The following WDR25 variants were observed in gnomAD, a reference collection of about 807,000 sequenced individuals.
WDR25 encodes the protein WD repeat domain 25, also known as WD repeat-containing protein 25.
A neutral mutation model predicts 47.7 loss-of-function variants in WDR25; 35 were observed. That is an observed-to-expected ratio of 0.73 (90% confidence interval 0.56 to 0.97). The LOEUF is 0.97. WDR25 is among the 50% of genes least tolerant of loss of function. The pLI, the probability that WDR25 is intolerant of heterozygous loss-of-function variation, is 0.00. For missense variants in WDR25, 634 were observed against 704.7 expected (o/e 0.90, Z 1.14); for synonymous variants, 248 against 278.9 (o/e 0.89, Z 1.10).
intron 3 of WDR25, 119 bp from the exon 4 acceptor site, chr14:100,483,875 A>G (rs1049303648): frequency 2.0e-5 from 25 of 1,277,974 alleles, no homozygotes; most frequent in African/African-American, 6.1e-5. Context: ...ATTGGGCTAC[A>G]TCGGGCCCAG....
intron 2 of WDR25, among the ~76,000 whole-genome samples, chr14:100,417,619 C>A (rs1276976306): frequency 6.6e-6 from 1 of 152,176 alleles, no homozygotes; most frequent in South Asian, 2.1e-4. Context: ...CCTCTGCTTG[C>A]GGATGGGGGT....
intron 1 of WDR25, among the ~76,000 whole-genome samples, chr14:100,379,854 G>A (rs891893356): frequency 6.6e-6 from 1 of 151,544 alleles, no homozygotes; most frequent in African/African-American, 2.4e-5. Flanking sequence ...TGATTCTCCT[G>A]CTTCAGCCTC....
chr14:100,522,664 C>T (rs929170946), intron 4 of WDR25, among the ~76,000 whole-genome samples: 70 of 152,216 alleles, frequency 4.6e-4, no homozygotes, highest in African/African-American at 1.6e-3. Flanking sequence ...ACCCTTAGTT[C>T]CTCAGCTGGA....
At chr14:100,459,276 T>C (rs998741449) in intron 2 of WDR25, among the ~76,000 whole-genome samples, 2 of 152,214 alleles carry the variant, frequency 1.3e-5, no homozygotes, top group African/African-American at 2.4e-5. Flanking sequence ...ACAACTTAGA[T>C]GATATGGAAG....
intron 2 of WDR25, among the ~76,000 whole-genome samples, chr14:100,414,231 C>T (rs969580984): frequency 4.6e-5 from 7 of 151,534 alleles, no homozygotes; most frequent in African/African-American, 9.7e-5. Context: ...CTCCTGACCT[C>T]GTGATCCGCC....
intron 4 of WDR25, among the ~76,000 whole-genome samples, chr14:100,495,357 AAAAC>A (rs578036672): frequency 1.1e-4 from 17 of 152,326 alleles, no homozygotes; most frequent in African/African-American, 3.4e-4. Flanking sequence ...CTCCGTCTCA[AAAAC>A]AAACAAACAA....
At chr14:100,421,715 C>G (rs925873727) in intron 2 of WDR25, among the ~76,000 whole-genome samples, 1 of 152,108 alleles carries the variant, frequency 6.6e-6, no homozygotes, top group African/African-American at 2.4e-5. Context: ...CGTTGGTGGG[C>G]ATGCTTTTAA....
At chr14:100,527,424 C>T (rs534480056) in intron 5 of WDR25, among the ~76,000 whole-genome samples, 6 of 152,362 alleles carry the variant, frequency 3.9e-5, no homozygotes, top group African/African-American at 1.4e-4. Context: ...GAATTTAAAA[C>T]TGTATGTCAT....
At chr14:100,435,944 G>T (rs1250675200) in intron 2 of WDR25, among the ~76,000 whole-genome samples, 1 of 152,122 alleles carries the variant, frequency 6.6e-6, no homozygotes, top group Non-Finnish European at 1.5e-5. Context: ...AGGAGGGAGT[G>T]TAGCTGCTGG....
chr14:100,410,029 G>A (rs1448056398), intron 2 of WDR25, among the ~76,000 whole-genome samples: 1 of 152,110 alleles, frequency 6.6e-6, no homozygotes, highest in Non-Finnish European at 1.5e-5. Flanking sequence ...ATTGTTTTCA[G>A]TAGCCACAAA....
chr14:100,498,309 C>A lies in WDR25; in HGVS notation c.1101+14185C>A, dbSNP rs144092653. Among the ~76,000 whole-genome samples the A allele has an allele frequency of 8.0e-4, 122 of 152,282 alleles. 2 individuals are homozygous for A. Among genetic ancestry groups the A allele is most frequent in the African/African-American group, 2.7e-3 (112 of 41,542 alleles). On this transcript the variant is annotated intron_variant, in intron 4 of 6. Coordinates refer to ENST00000402312, the MANE Select transcript of WDR25 (RefSeq NM_001161476.3). This position sits in a 1 kb window ranked among gnomAD's most constrained non-coding sequence, Gnocchi z 4.2. ...CTGAGAGGAGACTGAGGGCCACGTT[C>A]CGTAACAAGCGGGCCATTGCCACGC...
At chr14:100,481,173 A>G (rs1452597450) in intron 3 of WDR25, 2 of 470,912 alleles carry the variant, frequency 4.2e-6, no homozygotes, top group African/African-American at 4.1e-5. Context: ...AAAGTGGTTA[A>G]CCAAGAAACT....
chr14:100,468,003 G>C lies in WDR25; in HGVS notation c.823-18G>C. The stretch of plus-strand genomic sequence containing the variant: ...GGCCCTTGTTGTGACACCTGGTGCT[G>C]TCTGTGTTTGCCTGCAGGTATGGAA... On this transcript the variant is annotated intron_variant, in intron 2 of 6. Coordinates refer to ENST00000402312, the MANE Select transcript of WDR25 (RefSeq NM_001161476.3). The surrounding 1 kb of genome is among the most constrained non-coding windows in gnomAD (Gnocchi z 4.5). 6.2e-7 allele frequency: 1 copy of C among 1,611,962 alleles called. No homozygotes were observed. The highest frequency in any genetic ancestry group is 8.5e-7 in the Non-Finnish European group (1 of 1,179,992).
Position 100,381,369 on chromosome 14 carries a change from CA to C in WDR25, c.446del (p.His149LeufsTer9). The C allele has an allele frequency of 6.2e-7, 1 of 1,614,240 alleles. No homozygotes were observed. Among genetic ancestry groups the C allele is most frequent in the Non-Finnish European group, 8.5e-7 (1 of 1,180,032 alleles). ...CAGGAACTTTCCCAAGTCATCTTTC[CA>C]TGCTCAAAGTGAGTCTGAAACCGTA... is the stretch of plus-strand genomic sequence containing the variant. ...LSRNFPKSSF[H>X]AQSESETVGK... On this transcript the variant is annotated frameshift_variant, in exon 2 of 7. Transcript: ENST00000402312. LOFTEE classifies it high-confidence loss of function.
chr14:100,391,314 C>T (rs1566886428), intron 2 of WDR25, among the ~76,000 whole-genome samples: 1 of 152,050 alleles, frequency 6.6e-6, no homozygotes, highest in Non-Finnish European at 1.5e-5. Context: ...CGAGGCAGGC[C>T]CTGCGCCACC....
At position 100,505,748 on chromosome 14, in the gene WDR25, G is replaced by A. The variant is rs546138784; in HGVS notation, c.1102-20122G>A. Among the ~76,000 whole-genome samples the A allele has an allele frequency of 1.5e-4, 23 of 152,200 alleles. No individual in the cohort carries two copies. The South Asian group carries it at 1.7e-3, about 11-fold the overall frequency. The stretch of plus-strand genomic sequence containing the variant: ...AGCTCTTCTTTAGTTTCTGTCAGCT[G>A]TGTTTTGTAGTTTTCAGTGTTTGAT... On this transcript the variant is annotated intron_variant, in intron 4 of 6. Transcript: ENST00000402312.
Position 100,529,120 on chromosome 14 carries a change from T to C in WDR25, c.1325T>C (p.Leu442Pro). ...LALHPREPVF[L>P]AQTNGNYLAL... ...TTGCACCCGAGAGAGCCCGTGTTCCTGGCACAGACCAATGGCAACTACCTG... is the reference window on the plus strand; with the variant it reads ...TTGCACCCGAGAGAGCCCGTGTTCCCGGCACAGACCAATGGCAACTACCTG... Residue 442 changes from leucine to proline, a missense_variant, in exon 6 of 7, where the codon CTG becomes CCG. Physicochemically the swap from Leu to Pro is moderately conservative, Grantham distance 98. Coordinates refer to ENST00000402312, the MANE Select transcript of WDR25 (RefSeq NM_001161476.3). This position sits in a 1 kb window ranked among gnomAD's most constrained non-coding sequence, Gnocchi z 5.1. The C allele has an allele frequency of 6.3e-7, 1 of 1,595,480 alleles. No homozygotes were observed. The highest frequency in any genetic ancestry group is 8.6e-7 in the Non-Finnish European group (1 of 1,165,806).
rs769607888 is a variant in WDR25 at position 100,529,351 on chromosome 14, G to A, written c.1413+143G>A. On this transcript the variant is annotated intron_variant, in intron 6 of 6. Coordinates refer to ENST00000402312, the MANE Select transcript of WDR25 (RefSeq NM_001161476.3). The surrounding 1 kb of genome is among the most constrained non-coding windows in gnomAD (Gnocchi z 5.1). ...TTTCCTGGGTGAGCGCATGCCATGT[G>A]GCTCACTGTCTCTTCAAGTCCCTGA... is the stretch of plus-strand genomic sequence containing the variant. 4 of 1,276,112 alleles carry A rather than the reference G, an allele frequency of 3.1e-6. No homozygotes were observed. Among genetic ancestry groups the A allele is most frequent in the Non-Finnish European group, 4.3e-6 (4 of 926,494 alleles). The allele number at this position is 1,276,112 out of a possible 1,614,324, so 79.0% of individuals were successfully genotyped here. A position where few individuals can be genotyped will look rare whatever the true frequency, so the allele number is the denominator to read the frequency against.
chr14:100,518,331 C>T (rs1412983479), intron 4 of WDR25, among the ~76,000 whole-genome samples: 1 of 152,010 alleles, frequency 6.6e-6, no homozygotes, highest in Admixed American at 6.5e-5. Flanking sequence ...TCTGATGATA[C>T]ATTTATGGTA....
Sources: allele counts gnomAD v4.1 joint callset (sites outside exome capture counted in the v4.1 genomes callset), GRCh38; gene constraint gnomAD v4.1.1; non-coding constraint Gnocchi (gnomAD v3.1); transcripts MANE v1.5; gene names NCBI Gene and HGNC (gene_info 2026-07-23, HGNC 2026-07-21).